Variants in ENOX1 observed in about 807,000 individuals in gnomAD.
ENOX1 encodes the protein candidate growth-related and time keeping constitutive hydroquinone (NADH) oxidase.
Under a neutral mutation model 82.5 loss-of-function variants are expected in ENOX1, and 42 were observed. That is an observed-to-expected ratio of 0.51 (90% CI 0.40 to 0.66). The LOEUF is 0.66. ENOX1 is among the 30% of genes least tolerant of loss of function. ENOX1 has a pLI of 0.00. For missense variants in ENOX1, 608 were observed against 811.6 expected (o/e 0.75, Z 3.05); for synonymous variants, 271 against 282.2 (o/e 0.96, Z 0.40).
intron 1 of ENOX1, among the ~76,000 whole-genome samples, chr13:43,742,050 A>G (rs1438480060): frequency 6.6e-6 from 1 of 152,236 alleles, no homozygotes; most frequent in Non-Finnish European, 1.5e-5. Flanking sequence ...TTACATTTTA[A>G]CAGAATTTCT....
At chr13:43,505,406 C>T (rs772020481) in intron 2 of ENOX1, among the ~76,000 whole-genome samples, 1 of 151,868 alleles carries the variant, frequency 6.6e-6, no homozygotes, top group Non-Finnish European at 1.5e-5. Context: ...AGACTATACC[C>T]TAAAAAGCAA....
At chr13:43,626,447 GT>G (rs1316175683) in intron 2 of ENOX1, among the ~76,000 whole-genome samples, 4 of 151,572 alleles carry the variant, frequency 2.6e-5, no homozygotes, top group Non-Finnish European at 4.4e-5. Flanking sequence ...TATGAATTTA[GT>G]CCTATAAATT....
intron 2 of ENOX1, among the ~76,000 whole-genome samples, chr13:43,505,431 A>G (rs1213927282): frequency 6.6e-6 from 1 of 151,978 alleles, no homozygotes; most frequent in Admixed American, 6.6e-5. Context: ...TCAGGCTATA[A>G]TCTCTGATAC....
intron 9 of ENOX1, among the ~76,000 whole-genome samples, chr13:43,338,433 T>A (rs1329145330): frequency 6.6e-6 from 1 of 152,150 alleles, no homozygotes; most frequent in Non-Finnish European, 1.5e-5. Context: ...TAGGATGCTA[T>A]CGGGATAAGG....
intron 9 of ENOX1, among the ~76,000 whole-genome samples, chr13:43,340,703 T>C (rs1230666867): frequency 6.6e-6 from 1 of 152,230 alleles, no homozygotes; most frequent in Non-Finnish European, 1.5e-5. Flanking sequence ...TGCATGCAAG[T>C]TGAAACCTTG....
At chr13:43,757,042 A>G (rs928371639) in intron 1 of ENOX1, among the ~76,000 whole-genome samples, 2 of 151,976 alleles carry the variant, frequency 1.3e-5, no homozygotes, top group African/African-American at 4.8e-5. Flanking sequence ...ATTTCTTAAC[A>G]TAGACATATA....
chr13:43,618,040 A>T (rs564207478), intron 2 of ENOX1, among the ~76,000 whole-genome samples: 2 of 152,204 alleles, frequency 1.3e-5, no homozygotes, highest in East Asian at 3.9e-4. Context: ...TCTTTTGAGA[A>T]TTGTCTATTC....
chr13:43,359,497 A>C (rs1412470480), intron 7 of ENOX1, among the ~76,000 whole-genome samples: 2 of 152,140 alleles, frequency 1.3e-5, no homozygotes, highest in African/African-American at 2.4e-5. Context: ...ACTTCCAAAA[A>C]CCTGAAATTA....
intron 3 of ENOX1, among the ~76,000 whole-genome samples, chr13:43,470,703 G>A (rs1818712366): frequency 6.6e-6 from 1 of 151,486 alleles, no homozygotes; most frequent in African/African-American, 2.4e-5. Flanking sequence ...ATTTAAAAAT[G>A]GGAAAATAAC....
chr13:43,344,987 A>G (rs1233887283), intron 8 of ENOX1, among the ~76,000 whole-genome samples: 1 of 152,182 alleles, frequency 6.6e-6, no homozygotes, highest in Non-Finnish European at 1.5e-5. Flanking sequence ...CAACTCCATG[A>G]GCTCAGCTGT....
chr13:43,516,528 T>C (rs2077567059), intron 2 of ENOX1, among the ~76,000 whole-genome samples: 1 of 152,152 alleles, frequency 6.6e-6, no homozygotes, highest in Admixed American at 6.6e-5. Context: ...CTCTCCTGTC[T>C]ACTGAAGGAT....
At chr13:43,471,878 C>T (rs2147367) in intron 3 of ENOX1, among the ~76,000 whole-genome samples, 64,558 of 149,520 alleles carry the variant, frequency 0.43, 14,410 homozygotes, top group Non-Finnish European at 0.5. Context: ...GATGAATGGA[C>T]AGAGGGATAG....
chr13:43,407,367 G>T (rs2053861336), intron 5 of ENOX1, among the ~76,000 whole-genome samples: 1 of 152,192 alleles, frequency 6.6e-6, no homozygotes, highest in African/African-American at 2.4e-5. Flanking sequence ...GATGGTAGTG[G>T]AGAAGGATCT....
intron 16 of ENOX1, among the ~76,000 whole-genome samples, chr13:43,219,434 T>C (rs926725919): frequency 1.3e-5 from 2 of 152,188 alleles, no homozygotes; most frequent in African/African-American, 4.8e-5. Flanking sequence ...CCCTGAAGTT[T>C]TGATTACCCT....
At chr13:43,702,649 G>A (rs2086971186) in intron 1 of ENOX1, among the ~76,000 whole-genome samples, 1 of 152,116 alleles carries the variant, frequency 6.6e-6, no homozygotes, top group African/African-American at 2.4e-5. Flanking sequence ...TGGGATTAGA[G>A]TTCTTATAAA....
intron 5 of ENOX1, among the ~76,000 whole-genome samples, chr13:43,375,484 C>G (rs1322835640): frequency 6.6e-6 from 1 of 152,204 alleles, no homozygotes; most frequent in African/African-American, 2.4e-5. Flanking sequence ...AGGCAAGACG[C>G]TGGGGGCATA....
intron 9 of ENOX1, among the ~76,000 whole-genome samples, chr13:43,342,202 T>A (rs1438545593): frequency 6.6e-6 from 1 of 152,148 alleles, no homozygotes; most frequent in African/African-American, 2.4e-5. Flanking sequence ...TTTCTGTTAC[T>A]CACATGTGGA....
intron 15 of ENOX1, among the ~76,000 whole-genome samples, chr13:43,230,353 C>T (rs150308560): frequency 2.0e-3 from 305 of 152,026 alleles, no homozygotes; most frequent in African/African-American, 7.0e-3. Flanking sequence ...GAGCATAGTG[C>T]GTTGGAGGAA....
At chr13:43,346,179 A>C (rs2049366697) in intron 8 of ENOX1, among the ~76,000 whole-genome samples, 1 of 152,210 alleles carries the variant, frequency 6.6e-6, no homozygotes, top group South Asian at 2.1e-4. Flanking sequence ...CCAGACCAGG[A>C]GTACAGCTTC....
Sources: allele counts gnomAD v4.1 joint callset (sites outside exome capture counted in the v4.1 genomes callset), GRCh38; gene constraint gnomAD v4.1.1; transcripts MANE v1.5; gene names NCBI Gene and HGNC (gene_info 2026-07-23, HGNC 2026-07-21).